TCTN2: variants seen among roughly 807,000 people sequenced by gnomAD.
TCTN2 encodes tectonic-2.
In TCTN2, 66 loss-of-function variants were observed where a neutral mutation model predicts 83.4. The observed-to-expected ratio is 0.79, with a 90% CI of 0.65 to 0.97. TCTN2 has a LOEUF of 0.97. TCTN2 is among the 50% of genes least tolerant of loss of function. The pLI, the probability that TCTN2 is intolerant of heterozygous loss-of-function variation, is 0.00. For synonymous variants in TCTN2, 301 were observed against 326.7 expected (o/e 0.92, Z 0.85); for missense variants, 794 against 858.1 (o/e 0.93, Z 0.93).
Position 123,681,357 on chromosome 12 carries a change from C to A in TCTN2, c.564+2068C>A, listed in dbSNP as rs1955897789. On this transcript the variant is annotated intron_variant, in intron 5 of 17. Transcript: ENST00000303372. The stretch of plus-strand genomic sequence containing the variant: ...ACCACAATCTATCTTCAGAACATTT[C>A]TACCACCCCAGAAAGAAATCGTGTG... 3.9e-5 allele frequency among the ~76,000 whole-genome samples: 6 copies of A among 152,162 alleles called. No homozygotes were observed. The South Asian group carries it at 1.2e-3, about 31-fold the overall frequency.
At position 123,679,371 on chromosome 12, in the gene TCTN2, T is replaced by C. The variant is rs1200693973; in HGVS notation, c.564+82T>C. The C allele has an allele frequency of 2.8e-5, 36 of 1,288,340 alleles. No homozygotes were observed. The East Asian group carries it at 7.7e-4, about 28-fold the overall frequency. 79.8% of individuals were successfully genotyped at this position (1,288,340 alleles called of 1,614,324 possible). On this transcript the variant is annotated intron_variant, in intron 5 of 17. Coordinates refer to ENST00000303372, the MANE Select transcript of TCTN2 (RefSeq NM_024809.5). Reference sequence around the variant, plus strand: ...TTCCACCAACAGCTTTTTTCATTTTTTATTTCTTGAGATAGGGTCTTGCTC... The same window carrying C: ...TTCCACCAACAGCTTTTTTCATTTTCTATTTCTTGAGATAGGGTCTTGCTC...
Position 123,694,891 on chromosome 12 carries a change from A to G in TCTN2, c.1149A>G (p.Glu383=), listed in dbSNP as rs1956088695. ...CCCCTAGAATTGTGAATGTGGAAGA[A>G]CATTATATTTTCAAATGGAATAATA... ...GSTPRIVNVE[E]HYIFKWNNNT... Residue 383 remains glutamate (E), a synonymous_variant, in exon 10 of 18, where the codon GAA becomes GAG. Transcript: ENST00000303372. 1 of 1,613,360 alleles carries G rather than the reference A, an allele frequency of 6.2e-7. No homozygotes were observed. The highest frequency in any genetic ancestry group is 1.7e-5 in the Admixed American group (1 of 59,988).
At chr12:123,693,773 A>G (rs1956075073) in intron 9 of TCTN2, among the ~76,000 whole-genome samples, 1 of 150,948 alleles carries the variant, frequency 6.6e-6, no homozygotes, top group Non-Finnish European at 1.5e-5. Flanking sequence ...TAATTTTACC[A>G]GAACTTTAGT....
At chr12:123,686,249 G>T (rs1208860221) in intron 5 of TCTN2, among the ~76,000 whole-genome samples, 1 of 152,094 alleles carries the variant, frequency 6.6e-6, no homozygotes, top group Non-Finnish European at 1.5e-5. Flanking sequence ...GCTTCACCAT[G>T]TTGGCCAGTC....
At chr12:123,691,732 T>G (rs888150609) in intron 8 of TCTN2, among the ~76,000 whole-genome samples, 6 of 128,646 alleles carry the variant, frequency 4.7e-5, no homozygotes, top group African/African-American at 1.5e-4. Context: ...TTTTTTTTGT[T>G]TTTTTGGTTT....
At position 123,697,189 on chromosome 12, in the gene TCTN2, C is replaced by T; in HGVS notation, c.1496C>T (p.Thr499Ile). The part of the protein sequence containing the change: ...LLEVGINENC[T>I]QLRENAVERL... The stretch of plus-strand genomic sequence containing the variant: ...GAAGTCGGGATTAATGAAAATTGTA[C>T]TCAGCTCAGGTGAGTGTTTCATTGA... The change falls in exon 13 of 18, where the codon ACT becomes ATT. Residue 499 changes from threonine to isoleucine, a missense_variant. Thr to Ile is a moderately conservative substitution (Grantham distance 89). Coordinates refer to ENST00000303372, the MANE Select transcript of TCTN2 (RefSeq NM_024809.5). 1 of 1,611,614 alleles carries T rather than the reference C, an allele frequency of 6.2e-7. No homozygotes were observed.
intron 15 of TCTN2, among the ~76,000 whole-genome samples, chr12:123,705,447 C>T (rs1365973139): frequency 6.6e-6 from 1 of 152,142 alleles, no homozygotes; most frequent in Non-Finnish European, 1.5e-5. Context: ...AGGCATGAGC[C>T]ACCGCGCCCA....
chr12:123,676,964 GC>G (rs576061096), intron 4 of TCTN2, among the ~76,000 whole-genome samples: 74 of 152,286 alleles, frequency 4.9e-4, no homozygotes, highest in African/African-American at 1.8e-3. Context: ...GATCACTCGA[GC>G]CCAGGAGTTT....
At chr12:123,707,483 C>G (rs932288115) in intron 17 of TCTN2, 121 bp from the exon 18 acceptor site, 84 of 934,818 alleles carry the variant, frequency 9.0e-5, no homozygotes, top group Non-Finnish European at 1.4e-4. Flanking sequence ...AGTGATCCGC[C>G]CTCCTTGGCC....
chr12:123,705,380 C>A (rs918526455), intron 15 of TCTN2, among the ~76,000 whole-genome samples: 4 of 152,126 alleles, frequency 2.6e-5, no homozygotes, highest in Non-Finnish European at 4.4e-5. Context: ...CCAGGATGGT[C>A]TCAATCTCCT....
At chr12:123,701,275 T>C (rs1956168952) in intron 14 of TCTN2, among the ~76,000 whole-genome samples, 1 of 152,074 alleles carries the variant, frequency 6.6e-6, no homozygotes, top group African/African-American at 2.4e-5. Flanking sequence ...GAGACTGCCG[T>C]GGGTAAAGGA....
At chr12:123,700,059 T>C in intron 14 of TCTN2, 1 of 551,740 alleles carries the variant, frequency 1.8e-6, no homozygotes, top group Non-Finnish European at 3.3e-6. Context: ...TCACCCAGGC[T>C]GGAGTGCAGT....
chr12:123,701,199 T>C (rs1956167995), intron 14 of TCTN2, among the ~76,000 whole-genome samples: 1 of 152,284 alleles, frequency 6.6e-6, no homozygotes, highest in African/African-American at 2.4e-5. Context: ...ATGTCCAGAA[T>C]GGGCAATGTA....
intron 9 of TCTN2, 146 bp downstream of exon 9, chr12:123,692,869 T>G: frequency 2.7e-6 from 2 of 737,094 alleles, no homozygotes; most frequent in Non-Finnish European, 4.7e-6. Flanking sequence ...AACATTTCAT[T>G]TGTTCCTCGT....
chr12:123,675,939 G>A (rs1424540439), intron 4 of TCTN2, among the ~76,000 whole-genome samples: 3 of 152,076 alleles, frequency 2.0e-5, no homozygotes, highest in Admixed American at 6.6e-5. Context: ...CAACAGAAGG[G>A]ATTCATGATA....
At chr12:123,706,932 A>C (rs1168024744) in intron 16 of TCTN2, 53 bp from the exon 17 acceptor site, 47 of 1,613,524 alleles carry the variant, frequency 2.9e-5, no homozygotes, top group Non-Finnish European at 2.9e-5. Context: ...CCTTTAATCA[A>C]GTTCTGATAC....
In TCTN2 at chr12:123,706,907, A is replaced by T. The variant is rs1956236891; in HGVS notation, c.1895+56A>T. ...GGAAGCAGAAAAATATATATTTGAA[A>T]ATTGGAAGTTTATTCCTTTAATCAA... On this transcript the variant is annotated intron_variant, in intron 16 of 17. Transcript: ENST00000303372. 2.5e-6 allele frequency: 4 copies of T among 1,613,984 alleles called. No individual in the cohort carries two copies. In the East Asian group the frequency reaches 6.7e-5, roughly 27 times the overall value.
intron 2 of TCTN2, 37 bp downstream of exon 2, chr12:123,671,651 G>A (rs1412014214): frequency 2.5e-6 from 4 of 1,582,048 alleles, no homozygotes; most frequent in African/African-American, 1.3e-5. Context: ...GGTGGGGGTT[G>A]GACTGGATCC....
In TCTN2 at chr12:123,704,691, A is replaced by G. The variant is rs1956210540; in HGVS notation, c.1769+3A>G. ...GAGATACTCGGTGTAGAGACAAGGT[A>G]TGATCACATCTTGGATCACCGTAGT... On this transcript the variant is annotated splice_donor_region_variant and intron_variant, in intron 15 of 17. Transcript: ENST00000303372. The G allele has an allele frequency of 6.2e-7, 1 of 1,613,628 alleles. No homozygotes were observed. The highest frequency in any genetic ancestry group is 8.5e-7 in the Non-Finnish European group (1 of 1,179,916).
Sources: allele counts gnomAD v4.1 joint callset (sites outside exome capture counted in the v4.1 genomes callset), GRCh38; gene constraint gnomAD v4.1.1; transcripts MANE v1.5; gene names NCBI Gene and HGNC (gene_info 2026-07-23, HGNC 2026-07-21).